Variants in KIT observed in about 807,000 individuals in gnomAD.
KIT encodes KIT proto-oncogene, receptor tyrosine kinase.
KIT carries 16 observed loss-of-function variants against 105.7 expected under a neutral mutation model. The ratio of observed to expected loss-of-function variants is 0.15; its 90% CI spans 0.10 to 0.23. The LOEUF is 0.23. KIT is among the 10% of genes least tolerant of loss of function. The pLI, the probability that KIT is intolerant of heterozygous loss-of-function variation, is 1.00. For synonymous variants in KIT, 438 were observed against 441.1 expected (o/e 0.99, Z 0.09); for missense variants, 858 against 1,213.8 (o/e 0.71, Z 4.36).
At chr4:54,707,653 A>G (rs80179677) in intron 6 of KIT, among the ~76,000 whole-genome samples, 3,537 of 152,328 alleles carry the variant, frequency 0.023, 75 homozygotes, top group Non-Finnish European at 0.03. Flanking sequence ...AGCTGTAAGA[A>G]AACTAAGAGC....
Position 54,687,423 on chromosome 4 carries a change from A to G in KIT, c.68-8089A>G, listed in dbSNP as rs1719390212. On this transcript the variant is annotated intron_variant, in intron 1 of 20. Transcript: ENST00000288135. Reference sequence around the variant, plus strand: ...ACTGCCCTCCAGCCTGGGCGACGACAGAGCAAGACCCCATCTCCAAAAAAA... The same window carrying G: ...ACTGCCCTCCAGCCTGGGCGACGACGGAGCAAGACCCCATCTCCAAAAAAA... 3.9e-5 allele frequency among the ~76,000 whole-genome samples: 6 copies of G among 152,226 alleles called. No homozygotes were observed. In the South Asian group the frequency reaches 1.2e-3, roughly 32 times the overall value.
chr4:54,715,937 C>G (rs1484149932), intron 7 of KIT, among the ~76,000 whole-genome samples: 2 of 143,188 alleles, frequency 1.4e-5, no homozygotes, highest in African/African-American at 5.0e-5. Context: ...TCAGGAAGAT[C>G]CTCACAAAAC....
At position 54,736,575 on chromosome 4, in the gene KIT, C is replaced by T. The variant is rs750039813; in HGVS notation, c.2562C>T (p.Ser854=). Residue 854 remains serine (S), a synonymous_variant, in exon 18 of 21, where the codon TCC becomes TCT. Coordinates refer to ENST00000288135, the MANE Select transcript of KIT (RefSeq NM_000222.3). The part of the protein sequence containing the change: ...CVYTFESDVW[S]YGIFLWELFS... ...ACACGTTTGAAAGTGACGTCTGGTC[C>T]TATGGGATTTTTCTTTGGGAGCTGT... 6.2e-7 allele frequency: 1 copy of T among 1,614,062 alleles called. No individual in the cohort carries two copies. The highest frequency in any genetic ancestry group is 8.5e-7 in the Non-Finnish European group (1 of 1,179,942).
intron 1 of KIT, among the ~76,000 whole-genome samples, chr4:54,661,868 T>G (rs1448963525): frequency 6.6e-6 from 1 of 152,160 alleles, no homozygotes; most frequent in Admixed American, 6.6e-5. Context: ...TGAGTCGGCT[T>G]GGCCCAGCAG....
chr4:54,724,085 G>C (rs1722068162), intron 8 of KIT, among the ~76,000 whole-genome samples: 1 of 152,180 alleles, frequency 6.6e-6, no homozygotes. Context: ...TAATTGCCAA[G>C]TTACCAAAAA....
rs564842325 is a variant in KIT, at chr4:54,709,366, A to G, written c.1116-58A>G. On this transcript the variant is annotated intron_variant, in intron 6 of 20. Coordinates refer to ENST00000288135, the MANE Select transcript of KIT (RefSeq NM_000222.3). ...GATTTCCAGGTAGAAACTGAAAAAG[A>G]CATGCCTTCCAAGGCATGCTATCCA... 242 of 1,058,264 alleles carry G rather than the reference A, an allele frequency of 2.3e-4. 2 individuals carry two copies. The South Asian group carries it at 2.3e-3, about 10-fold the overall frequency. 65.6% of individuals were successfully genotyped at this position (1,058,264 alleles called of 1,614,324 possible).
At chr4:54,701,404 AC>A (rs147298376) in intron 4 of KIT, among the ~76,000 whole-genome samples, 14,094 of 152,256 alleles carry the variant, frequency 0.093, 854 homozygotes, top group Non-Finnish European at 0.12. Flanking sequence ...TTTTATTCTG[AC>A]CCTTTGGAAT....
intron 1 of KIT, among the ~76,000 whole-genome samples, chr4:54,691,152 A>T (rs964568977): frequency 2.0e-5 from 3 of 152,062 alleles, no homozygotes; most frequent in Non-Finnish European, 4.4e-5. Flanking sequence ...AGATCTGTAG[A>T]CTGTTGACAT....
At chr4:54,699,411 T>G (rs911383288) in intron 3 of KIT, among the ~76,000 whole-genome samples, 2 of 152,158 alleles carry the variant, frequency 1.3e-5, no homozygotes, top group Admixed American at 6.6e-5. Context: ...AATCTCACAG[T>G]GGGCATTTCT....
intron 1 of KIT, among the ~76,000 whole-genome samples, chr4:54,675,921 G>C (rs1323142074): frequency 6.6e-6 from 1 of 152,114 alleles, no homozygotes; most frequent in Non-Finnish European, 1.5e-5. Flanking sequence ...GAGTCCCGTA[G>C]CTGTGACTGG....
intron 1 of KIT, among the ~76,000 whole-genome samples, chr4:54,676,728 T>G (rs539141416): frequency 2.8e-4 from 42 of 152,288 alleles, no homozygotes; most frequent in African/African-American, 9.9e-4. Context: ...GCCTCCAGTA[T>G]CTCCTTTTGA....
intron 20 of KIT, 139 bp from the exon 21 acceptor site, chr4:54,738,290 T>G: frequency 9.8e-7 from 1 of 1,018,264 alleles, no homozygotes. Flanking sequence ...ACTTGGGTTT[T>G]GGCCACAAAG....
intron 7 of KIT, among the ~76,000 whole-genome samples, chr4:54,719,930 G>T (rs1721754802): frequency 6.6e-6 from 1 of 152,112 alleles, no homozygotes; most frequent in South Asian, 2.1e-4. Flanking sequence ...CTTTTCAGAA[G>T]GAGGTCTCTT....
chr4:54,710,399 G>C (rs1400647915), intron 7 of KIT, among the ~76,000 whole-genome samples: 1 of 152,206 alleles, frequency 6.6e-6, no homozygotes, highest in Non-Finnish European at 1.5e-5. Flanking sequence ...AGGATGAGGA[G>C]ACAACTGGAA....
intron 1 of KIT, among the ~76,000 whole-genome samples, chr4:54,684,288 G>A (rs1450651230): frequency 6.6e-6 from 1 of 152,020 alleles, no homozygotes; most frequent in Non-Finnish European, 1.5e-5. Flanking sequence ...GAAACACTTC[G>A]TCTCACATGT....
In KIT at chr4:54,675,011, T is replaced by C. The variant is rs1224299619; in HGVS notation, c.67+16930T>C. Reference sequence around the variant, plus strand: ...TTAGGTGTATTTTCCTCTGATTTTTTCCCCCACTGAAAAATTTGCATATCT... The same window carrying C: ...TTAGGTGTATTTTCCTCTGATTTTTCCCCCCACTGAAAAATTTGCATATCT... On this transcript the variant is annotated intron_variant, in intron 1 of 20. Coordinates refer to ENST00000288135, the MANE Select transcript of KIT (RefSeq NM_000222.3). Among the ~76,000 whole-genome samples, 4 of 152,118 alleles carry C rather than the reference T, an allele frequency of 2.6e-5. No individual in the cohort carries two copies. In the East Asian group the frequency reaches 7.7e-4, roughly 29 times the overall value.
chr4:54,674,851 GAC>G (rs1718352547), intron 1 of KIT, among the ~76,000 whole-genome samples: 1 of 152,176 alleles, frequency 6.6e-6, no homozygotes, highest in Non-Finnish European at 1.5e-5. Context: ...TATAAGAACT[GAC>G]ATGCTTTTGT....
chr4:54,722,849 ATATTTTTATATATATG>A (rs1721969261), intron 7 of KIT, among the ~76,000 whole-genome samples: 6 of 142,776 alleles, frequency 4.2e-5, no homozygotes, highest in African/African-American at 1.6e-4. Flanking sequence ...ATATTTATAT[ATATTTTTATATATATG>A]TATATATATT....
chr4:54,739,793 T>A lies in KIT; in HGVS notation c.*1236T>A. 1 of 233,550 alleles carries A rather than the reference T, an allele frequency of 4.3e-6. No individual in the cohort carries two copies. The highest frequency in any genetic ancestry group is 8.5e-6 in the Non-Finnish European group (1 of 117,942). 14.5% of individuals were successfully genotyped at this position (233,550 alleles called of 1,614,324 possible). A position where few individuals can be genotyped will look rare whatever the true frequency, so the allele number is the denominator to read the frequency against. ...AGTACTGCTCTTGTTTCTTTTCACA[T>A]AGCTGTCTAGAGTAGCTTACCAGAA... On this transcript the variant is annotated 3_prime_UTR_variant, in exon 21 of 21. Transcript: ENST00000288135.
Sources: allele counts gnomAD v4.1 joint callset (sites outside exome capture counted in the v4.1 genomes callset), GRCh38; gene constraint gnomAD v4.1.1; transcripts MANE v1.5; gene names NCBI Gene and HGNC (gene_info 2026-07-23, HGNC 2026-07-21).